Variants in ELAVL4 observed in about 807,000 individuals in gnomAD.
The protein encoded by ELAVL4 is ELAV-like protein 4.
ELAVL4 carries 1 observed loss-of-function variant against 35.6 expected under a neutral mutation model. The observed-to-expected ratio is 0.03, with a 90% CI of 0.01 to 0.13. ELAVL4 has a LOEUF of 0.13. Among genes scored for constraint, ELAVL4 ranks in the 10% least tolerant of loss-of-function variants. The pLI, the probability that ELAVL4 is intolerant of heterozygous loss-of-function variation, is 1.00. For missense variants in ELAVL4, 267 were observed against 464.9 expected (o/e 0.57, Z 3.91); for synonymous variants, 156 against 171.0 (o/e 0.91, Z 0.69).
At chr1:50,119,094 A>AAG (rs372191131) in intron 1 of ELAVL4, among the ~76,000 whole-genome samples, 9,178 of 105,148 alleles carry the variant, frequency 0.087, 386 homozygotes, top group African/African-American at 0.11. Flanking sequence ...GAAAGAAAGA[A>AAG]AAAGAAAAAG....
intron 3 of ELAVL4, among the ~76,000 whole-genome samples, chr1:50,179,050 C>G (rs983444540): frequency 5.3e-5 from 8 of 151,992 alleles, no homozygotes; most frequent in Non-Finnish European, 1.2e-4. Context: ...GATGTACCCC[C>G]TAGCCCATCA....
intron 1 of ELAVL4, among the ~76,000 whole-genome samples, chr1:50,094,535 T>G (rs965380388): frequency 1.1e-4 from 16 of 152,192 alleles, no homozygotes; most frequent in African/African-American, 3.6e-4. Flanking sequence ...CCCAGCCCTC[T>G]CTCAGTATTT....
intron 1 of ELAVL4, among the ~76,000 whole-genome samples, chr1:50,085,560 T>G (rs1396254376): frequency 1.3e-5 from 2 of 152,182 alleles, no homozygotes; most frequent in African/African-American, 4.8e-5. Context: ...AAAAATACAG[T>G]TGCCCCTTGC....
intron 1 of ELAVL4, among the ~76,000 whole-genome samples, chr1:50,069,596 G>T (rs957472364): frequency 6.6e-6 from 1 of 152,076 alleles, no homozygotes; most frequent in African/African-American, 2.4e-5. Context: ...ATTTATTCTT[G>T]GCATCATTGT....
intron 1 of ELAVL4, among the ~76,000 whole-genome samples, chr1:50,065,392 G>A (rs1237706831): frequency 2.0e-5 from 3 of 152,152 alleles, no homozygotes; most frequent in Non-Finnish European, 4.4e-5. Flanking sequence ...CTCTGAGGTT[G>A]GACTGCCAGA....
intron 2 of ELAVL4, among the ~76,000 whole-genome samples, chr1:50,160,886 C>T (rs1009254106): frequency 6.6e-6 from 1 of 152,166 alleles, no homozygotes; most frequent in Non-Finnish European, 1.5e-5. Context: ...TCTACATGCG[C>T]TTTGTAAGAA....
At chr1:50,094,900 A>G (rs1355907428) in intron 1 of ELAVL4, among the ~76,000 whole-genome samples, 2 of 152,102 alleles carry the variant, frequency 1.3e-5, no homozygotes, top group East Asian at 3.9e-4. Flanking sequence ...ATTGCACTCT[A>G]TCCTGGGCGA....
At chr1:50,169,809 A>G (rs1678659358) in intron 2 of ELAVL4, among the ~76,000 whole-genome samples, 1 of 152,192 alleles carries the variant, frequency 6.6e-6, no homozygotes, top group Non-Finnish European at 1.5e-5. Flanking sequence ...ATCAATTTCA[A>G]CTTCCTCTCT....
intron 1 of ELAVL4, among the ~76,000 whole-genome samples, chr1:50,111,796 C>T (rs1475637791): frequency 6.6e-6 from 1 of 152,018 alleles, no homozygotes; most frequent in Non-Finnish European, 1.5e-5. Context: ...TCTTTTTTCT[C>T]TAAATGTGCT....
At chr1:50,127,841 G>A (rs1670203708) in intron 1 of ELAVL4, among the ~76,000 whole-genome samples, 1 of 152,146 alleles carries the variant, frequency 6.6e-6, no homozygotes, top group Non-Finnish European at 1.5e-5. Flanking sequence ...ATTATGCTAT[G>A]CAATTAGTAT....
chr1:50,195,800 A>G lies in ELAVL4; in HGVS notation c.734+14A>G. 3 of 1,613,704 alleles carry G rather than the reference A, an allele frequency of 1.9e-6. No homozygotes were observed. The highest frequency in any genetic ancestry group is 1.1e-5 in the South Asian group (1 of 91,082). ...TCAGAGGTTCAGGTAGGCATGCCCA[A>G]AGAGGAAGAAGCCCTGCTACAGGGG... On this transcript the variant is annotated intron_variant, in intron 5 of 6. Transcript: ENST00000371824.
intron 4 of ELAVL4, among the ~76,000 whole-genome samples, chr1:50,195,018 T>C (rs536223438): frequency 3.3e-5 from 5 of 152,134 alleles, no homozygotes; most frequent in African/African-American, 1.2e-4. Flanking sequence ...GTCTGGACTT[T>C]ATCTGGGTGC....
chr1:50,155,985 A>T (rs1245868587), intron 2 of ELAVL4, among the ~76,000 whole-genome samples: 1 of 152,078 alleles, frequency 6.6e-6, no homozygotes, highest in East Asian at 1.9e-4. Context: ...GCACACACAC[A>T]CATCCCCCAA....
intron 4 of ELAVL4, among the ~76,000 whole-genome samples, chr1:50,195,252 G>T (rs1643970749): frequency 6.6e-6 from 1 of 152,174 alleles, no homozygotes; most frequent in Non-Finnish European, 1.5e-5. Flanking sequence ...CTAGAAACTG[G>T]ACAGTGAGTG....
At chr1:50,162,814 C>T (rs571116973) in intron 2 of ELAVL4, among the ~76,000 whole-genome samples, 1 of 152,238 alleles carries the variant, frequency 6.6e-6, no homozygotes, top group East Asian at 1.9e-4. Context: ...AAACCCTTGA[C>T]CTCAAGTGAT....
intron 1 of ELAVL4, among the ~76,000 whole-genome samples, chr1:50,097,311 A>C (rs1247329994): frequency 1.3e-5 from 2 of 152,208 alleles, no homozygotes; most frequent in Non-Finnish European, 2.9e-5. Context: ...GCAGATTTAA[A>C]AATCTTCTTC....
At chr1:50,190,762 C>T (rs1351084848) in intron 3 of ELAVL4, among the ~76,000 whole-genome samples, 2 of 152,230 alleles carry the variant, frequency 1.3e-5, no homozygotes, top group Non-Finnish European at 2.9e-5. Flanking sequence ...ACCCTGTTCC[C>T]TCTGTACCCT....
intron 6 of ELAVL4, 132 bp from the exon 7 acceptor site, chr1:50,200,719 T>C: frequency 6.7e-7 from 1 of 1,503,184 alleles, no homozygotes; most frequent in Non-Finnish European, 8.9e-7. Context: ...TACATTTTGG[T>C]TTTTGAACCC....
chr1:50,166,252 TATAA>T (rs1677902368), intron 2 of ELAVL4, among the ~76,000 whole-genome samples: 1 of 152,126 alleles, frequency 6.6e-6, no homozygotes, highest in Non-Finnish European at 1.5e-5. Flanking sequence ...CTCTTGAGGT[TATAA>T]ATAATCTTCA....
Sources: gnomAD v4.1 joint callset for allele counts (sites outside exome capture counted in the v4.1 genomes callset) on GRCh38, gnomAD v4.1.1 for gene constraint, MANE v1.5 for transcripts, NCBI Gene and HGNC (gene_info 2026-07-23, HGNC 2026-07-21) for gene names.